DPY19L2: variants seen among roughly 807,000 people sequenced by gnomAD.
DPY19L2 encodes the protein dpy-19 like 2.
Under a neutral mutation model 97.9 loss-of-function variants are expected in DPY19L2, and 34 were observed. The ratio of observed to expected loss-of-function variants is 0.35; its 90% CI spans 0.26 to 0.46. The LOEUF (loss-of-function observed/expected upper bound fraction) is 0.46. Among genes scored for constraint, DPY19L2 ranks in the 20% least tolerant of loss-of-function variants. The pLI, the probability that DPY19L2 is intolerant of heterozygous loss-of-function variation, is 1.00. For missense variants in DPY19L2, 623 were observed against 911.4 expected (o/e 0.68, Z 4.07); for synonymous variants, 230 against 307.9 (o/e 0.75, Z 2.65).
At chr12:63,600,988 T>C (rs1393846883) in intron 12 of DPY19L2, among the ~76,000 whole-genome samples, 1 of 152,032 alleles carries the variant, frequency 6.6e-6, no homozygotes, top group Non-Finnish European at 1.5e-5. Flanking sequence ...GGTTTCACCG[T>C]GTTAGCCAGG....
At chr12:63,625,193 C>T (rs553825651) in intron 7 of DPY19L2, among the ~76,000 whole-genome samples, 4 of 152,070 alleles carry the variant, frequency 2.6e-5, no homozygotes, top group South Asian at 2.1e-4. Flanking sequence ...GTCAGGAGTT[C>T]GAGACCAGCC....
At chr12:63,605,292 G>A (rs1430997696) in intron 12 of DPY19L2, among the ~76,000 whole-genome samples, 1 of 152,228 alleles carries the variant, frequency 6.6e-6, no homozygotes, top group East Asian at 1.9e-4. Flanking sequence ...TTAGTTCCCT[G>A]CTGCTGCTAC....
intron 6 of DPY19L2, among the ~76,000 whole-genome samples, chr12:63,628,196 C>A (rs1446922117): frequency 1.3e-5 from 2 of 152,144 alleles, no homozygotes; most frequent in Non-Finnish European, 1.5e-5. Context: ...GTTTATCTCA[C>A]TGGGGATTGT....
intron 4 of DPY19L2, among the ~76,000 whole-genome samples, chr12:63,659,694 C>T (rs552624984): frequency 2.6e-5 from 4 of 151,942 alleles, no homozygotes; most frequent in African/African-American, 4.8e-5. Flanking sequence ...ACGATTGTAC[C>T]GAGACAATTA....
intron 16 of DPY19L2, 56 bp downstream of exon 16, chr12:63,594,031 T>A: frequency 3.3e-6 from 4 of 1,228,976 alleles, no homozygotes; most frequent in Non-Finnish European, 3.4e-6. Flanking sequence ...AATGTTACAG[T>A]AAGTTATTTA....
intron 16 of DPY19L2, among the ~76,000 whole-genome samples, chr12:63,593,859 T>C (rs1373143427): frequency 2.6e-5 from 4 of 152,156 alleles, no homozygotes; most frequent in African/African-American, 9.7e-5. Flanking sequence ...TTTATCAATT[T>C]AAACTTTGAG....
At chr12:63,582,377 G>A in intron 18 of DPY19L2, 29 bp downstream of exon 18, 2 of 1,600,050 alleles carry the variant, frequency 1.2e-6, no homozygotes, top group Non-Finnish European at 1.7e-6. Flanking sequence ...AGTTTTTATA[G>A]TATTGTTATA....
intron 11 of DPY19L2, among the ~76,000 whole-genome samples, chr12:63,616,018 A>G (rs976530994): frequency 3.3e-5 from 5 of 152,204 alleles, no homozygotes; most frequent in African/African-American, 4.8e-5. Context: ...ATATTGCATT[A>G]GACGTTATAA....
chr12:63,643,336 C>G (rs1471613848), intron 6 of DPY19L2, among the ~76,000 whole-genome samples: 1 of 151,766 alleles, frequency 6.6e-6, no homozygotes, highest in Non-Finnish European at 1.5e-5. Flanking sequence ...CTATGCTAGT[C>G]TTTTTTATGC....
intron 12 of DPY19L2, among the ~76,000 whole-genome samples, chr12:63,605,459 C>T (rs1410412577): frequency 1.3e-5 from 2 of 152,194 alleles, no homozygotes; most frequent in Non-Finnish European, 2.9e-5. Context: ...AGGTACCTAA[C>T]TAGTCTGCCT....
At chr12:63,604,781 T>C (rs1468688728) in intron 12 of DPY19L2, among the ~76,000 whole-genome samples, 2 of 152,196 alleles carry the variant, frequency 1.3e-5, no homozygotes, top group East Asian at 3.9e-4. Context: ...AGTGTTTTTA[T>C]GATGACTGCT....
At chr12:63,594,827 T>C (rs551834294) in intron 15 of DPY19L2, among the ~76,000 whole-genome samples, 1 of 152,276 alleles carries the variant, frequency 6.6e-6, no homozygotes, top group Non-Finnish European at 1.5e-5. Flanking sequence ...CTCCGCTGAA[T>C]AGTTAATTCA....
intron 8 of DPY19L2, among the ~76,000 whole-genome samples, chr12:63,622,242 C>T (rs1888814506): frequency 6.6e-6 from 1 of 152,138 alleles, no homozygotes; most frequent in African/African-American, 2.4e-5. Flanking sequence ...AAACCCCTGA[C>T]TGACCAGACT....
intron 6 of DPY19L2, among the ~76,000 whole-genome samples, chr12:63,636,104 A>G (rs112790374): frequency 6.6e-6 from 1 of 151,768 alleles, no homozygotes; most frequent in Non-Finnish European, 1.5e-5. Context: ...ACAAGCCAGA[A>G]GGGGGGGCGG....
At chr12:63,567,995 G>A (rs1360630891) in intron 21 of DPY19L2, among the ~76,000 whole-genome samples, 1 of 151,918 alleles carries the variant, frequency 6.6e-6, no homozygotes, top group Non-Finnish European at 1.5e-5. Context: ...TGGATTTGTT[G>A]AGCTTAGCGG....
At chr12:63,644,921 A>T (rs1354309376) in intron 5 of DPY19L2, among the ~76,000 whole-genome samples, 1 of 152,116 alleles carries the variant, frequency 6.6e-6, no homozygotes, top group African/African-American at 2.4e-5. Flanking sequence ...CTTAATGAAT[A>T]CAAAAGAAAA....
At chr12:63,648,414 C>A (rs564662642) in intron 4 of DPY19L2, among the ~76,000 whole-genome samples, 9 of 151,260 alleles carry the variant, frequency 6.0e-5, no homozygotes, top group African/African-American at 1.9e-4. Context: ...GGAAGCTAGA[C>A]TTCCACCTTC....
In DPY19L2 at chr12:63,625,667, T is replaced by C. The variant is rs536937883; in HGVS notation, c.861+802A>G. Among the ~76,000 whole-genome samples, 3 of 152,228 alleles carry C rather than the reference T, an allele frequency of 2.0e-5. No homozygotes were observed. In the East Asian group the frequency reaches 5.8e-4, roughly 29 times the overall value. On this transcript the variant is annotated intron_variant, in intron 7 of 21. Transcript: ENST00000324472. Reference sequence around the variant, plus strand: ...TCTATTTTGAATTGAGCATTTTGCATTACTGAACAGACAGCATGATGTAAC... The same window carrying C: ...TCTATTTTGAATTGAGCATTTTGCACTACTGAACAGACAGCATGATGTAAC...
intron 4 of DPY19L2, among the ~76,000 whole-genome samples, chr12:63,656,270 T>A (rs151067191): frequency 1.2e-3 from 177 of 152,278 alleles, no homozygotes; most frequent in African/African-American, 3.8e-3. Context: ...GGAACACAAT[T>A]CTGTTGGCTG....
Sources: gnomAD v4.1 joint callset for allele counts (sites outside exome capture counted in the v4.1 genomes callset) on GRCh38, gnomAD v4.1.1 for gene constraint, MANE v1.5 for transcripts, NCBI Gene and HGNC (gene_info 2026-07-23, HGNC 2026-07-21) for gene names.